The following C8orf34 variants were observed in gnomAD, a reference collection of about 807,000 sequenced individuals.
C8orf34 encodes uncharacterized protein C8orf34.
In C8orf34, 65 loss-of-function variants were observed where a neutral mutation model predicts 68.3. That is an observed-to-expected ratio of 0.95 (90% confidence interval 0.78 to 1.17). C8orf34 has a LOEUF of 1.17. Among genes scored for constraint, C8orf34 ranks in the 50% most tolerant of loss-of-function variants. The pLI, the probability that C8orf34 is intolerant of heterozygous loss-of-function variation, is 0.00. For synonymous variants in C8orf34, 244 were observed against 241.2 expected (o/e 1.01, Z -0.11); for missense variants, 664 against 655.4 (o/e 1.01, Z -0.14).
intron 1 of C8orf34, among the ~76,000 whole-genome samples, chr8:68,391,521 T>C (rs2129620701): frequency 6.6e-6 from 1 of 152,280 alleles, no homozygotes; most frequent in South Asian, 2.1e-4. Context: ...CCAAGATATC[T>C]TTCCTCTTCT....
chr8:68,577,841 G>A (rs1402296284), intron 7 of C8orf34, among the ~76,000 whole-genome samples: 1 of 151,174 alleles, frequency 6.6e-6, no homozygotes, highest in African/African-American at 2.4e-5. Flanking sequence ...TTGTATTTCT[G>A]CTTAAAAAAA....
At chr8:68,756,540 T>G (rs558145871) in intron 10 of C8orf34, among the ~76,000 whole-genome samples, 104 of 152,162 alleles carry the variant, frequency 6.8e-4, no homozygotes, top group Non-Finnish European at 8.8e-4. Flanking sequence ...ATGGAAACTT[T>G]AAGGATGGAA....
At chr8:68,728,215 C>T (rs1200826896) in intron 10 of C8orf34, among the ~76,000 whole-genome samples, 1 of 152,176 alleles carries the variant, frequency 6.6e-6, no homozygotes, top group Non-Finnish European at 1.5e-5. Flanking sequence ...CTGCCAGTCT[C>T]TTAGCTAAAA....
intron 7 of C8orf34, among the ~76,000 whole-genome samples, chr8:68,566,821 C>T (rs1386901318): frequency 6.6e-6 from 1 of 152,078 alleles, no homozygotes; most frequent in Admixed American, 6.6e-5. Context: ...TTTTCTTTGC[C>T]AAGAGTTTTC....
At chr8:68,557,137 T>G (rs926469157) in intron 7 of C8orf34, among the ~76,000 whole-genome samples, 2 of 152,110 alleles carry the variant, frequency 1.3e-5, no homozygotes, top group African/African-American at 4.8e-5. Context: ...AGTGATTGAG[T>G]ATTGCTTCAG....
chr8:68,379,458 G>T (rs1466094074), intron 1 of C8orf34, among the ~76,000 whole-genome samples: 2 of 152,138 alleles, frequency 1.3e-5, no homozygotes, highest in East Asian at 1.9e-4. Flanking sequence ...CTATCTTCAT[G>T]CCCCGCTCCA....
rs141079938 is a variant in C8orf34, at chr8:68,678,917, A to G, written c.1242-30077A>G. The stretch of plus-strand genomic sequence containing the variant: ...AACAAAGTCAGTAAAATTGCAGGAT[A>G]CAAAATCAACAAACAAAAATCAGTT... On this transcript the variant is annotated intron_variant, in intron 8 of 13. Transcript: ENST00000518698. Among the ~76,000 whole-genome samples, 27 of 152,030 alleles carry G rather than the reference A, an allele frequency of 1.8e-4. 1 individual carries two copies. Among genetic ancestry groups the G allele is most frequent in the African/African-American group, 6.0e-4 (25 of 41,514 alleles).
chr8:68,579,076 GT>G lies in C8orf34; in HGVS notation c.1105+45931del, dbSNP rs1262160196. ...AGTGACACCTACTTAAATGGTTGCTGTTTTAGACTCTGTCCCTCTGAGTTCT... is the reference window on the plus strand; with the variant it reads ...AGTGACACCTACTTAAATGGTTGCTGTTTAGACTCTGTCCCTCTGAGTTCT... On this transcript the variant is annotated intron_variant, in intron 7 of 13. Coordinates refer to ENST00000518698, the MANE Select transcript of C8orf34 (RefSeq NM_052958.4). 9.2e-5 allele frequency among the ~76,000 whole-genome samples: 14 copies of G among 152,146 alleles called. No homozygotes were observed. The East Asian group carries it at 2.3e-3, about 25-fold the overall frequency.
intron 6 of C8orf34, among the ~76,000 whole-genome samples, chr8:68,526,969 T>A (rs1282526595): frequency 6.6e-6 from 1 of 152,196 alleles, no homozygotes; most frequent in Non-Finnish European, 1.5e-5. Flanking sequence ...GGGGAGGTTC[T>A]GTGGGGTGAC....
At chr8:68,636,020 G>C (rs1365774267) in intron 7 of C8orf34, among the ~76,000 whole-genome samples, 1 of 152,154 alleles carries the variant, frequency 6.6e-6, no homozygotes, top group Admixed American at 6.6e-5. Flanking sequence ...AGGCATGCGG[G>C]GGGAGTAGGA....
At chr8:68,504,981 A>C (rs2129632858) in intron 5 of C8orf34, among the ~76,000 whole-genome samples, 1 of 151,944 alleles carries the variant, frequency 6.6e-6, no homozygotes, top group South Asian at 2.1e-4. Flanking sequence ...GCCTGGCCTA[A>C]GTTTTGTATT....
At chr8:68,449,711 G>A (rs934186180) in intron 3 of C8orf34, among the ~76,000 whole-genome samples, 3 of 151,984 alleles carry the variant, frequency 2.0e-5, no homozygotes, top group African/African-American at 7.2e-5. Flanking sequence ...CCAAAGATTC[G>A]AACAATCATC....
chr8:68,736,039 T>C (rs1822112587), intron 10 of C8orf34, among the ~76,000 whole-genome samples: 1 of 152,196 alleles, frequency 6.6e-6, no homozygotes, highest in Non-Finnish European at 1.5e-5. Context: ...CTACATTTCT[T>C]AGACCAATGG....
intron 7 of C8orf34, among the ~76,000 whole-genome samples, chr8:68,541,308 TA>T (rs989571770): frequency 6.6e-6 from 1 of 151,532 alleles, no homozygotes; most frequent in Admixed American, 6.6e-5. Flanking sequence ...ATTAAAAATT[TA>T]AAAAAAATTA....
chr8:68,549,061 C>A (rs76084817), intron 7 of C8orf34, among the ~76,000 whole-genome samples: 9,499 of 151,684 alleles, frequency 0.063, 321 homozygotes, highest in Middle Eastern at 0.11. Context: ...GAGAGAAATT[C>A]TCTTCATGCA....
intron 8 of C8orf34, among the ~76,000 whole-genome samples, chr8:68,661,037 G>A (rs1445398147): frequency 6.6e-6 from 1 of 152,170 alleles, no homozygotes; most frequent in African/African-American, 2.4e-5. Context: ...GCTTGGCTGG[G>A]GGAGGAAAGA....
chr8:68,696,277 G>A (rs1056879374), intron 8 of C8orf34, among the ~76,000 whole-genome samples: 5 of 147,224 alleles, frequency 3.4e-5, no homozygotes, highest in African/African-American at 9.9e-5. Flanking sequence ...GAACAGTAAA[G>A]GATTGGTAAT....
intron 3 of C8orf34, chr8:68,447,051 C>G (rs1400295663): frequency 6.5e-6 from 1 of 153,482 alleles, no homozygotes; most frequent in Non-Finnish European, 1.5e-5. Flanking sequence ...GCAGACTGTA[C>G]AAGAAGCATG....
At chr8:68,685,061 A>C (rs11993217) in intron 8 of C8orf34, among the ~76,000 whole-genome samples, 1 of 152,118 alleles carries the variant, frequency 6.6e-6, no homozygotes, top group African/African-American at 2.4e-5. Context: ...TTTGTACCAG[A>C]TGTTTTAACT....
Sources: allele counts gnomAD v4.1 joint callset (sites outside exome capture counted in the v4.1 genomes callset), GRCh38; gene constraint gnomAD v4.1.1; transcripts MANE v1.5; gene names NCBI Gene and HGNC (gene_info 2026-07-23, HGNC 2026-07-21).